The following BCKDHB variants were observed in gnomAD, a reference collection of about 807,000 sequenced individuals.
BCKDHB encodes the protein branched chain keto acid dehydrogenase E1 subunit beta, also known as 2-oxoisovalerate dehydrogenase subunit beta, mitochondrial.
In BCKDHB, 41 loss-of-function variants were observed where a neutral mutation model predicts 48.5. The ratio of observed to expected loss-of-function variants is 0.85; its 90% confidence interval spans 0.66 to 1.10. The LOEUF (loss-of-function observed/expected upper bound fraction) is 1.10. BCKDHB is among the 50% of genes least tolerant of loss of function. BCKDHB has a pLI of 0.00. For missense variants in BCKDHB, 496 were observed against 494.2 expected, an observed-to-expected ratio of 1.00 and a Z score of -0.03; for synonymous variants, 201 against 174.8, an observed-to-expected ratio of 1.15 and a Z score of -1.18.
chr6:80,133,224 C>T lies in BCKDHB; in HGVS notation c.343+3995C>T, dbSNP rs567152391. Among the ~76,000 whole-genome samples the T allele has an allele frequency of 1.1e-4, 17 of 152,150 alleles. No individual in the cohort carries two copies. In the East Asian group the frequency reaches 1.4e-3, roughly 12 times the overall value. ...AAGCATTTTATATTCCATCAGAAGG[C>T]GGAATTTGAAGGATTGTGGGTTACT... On this transcript the variant is annotated intron_variant, in intron 3 of 9. Transcript: ENST00000320393.
the BCKDHB span, among the ~76,000 whole-genome samples, chr6:80,361,837 C>T: frequency 2.6e-5 from 4 of 152,122 alleles, no homozygotes; most frequent in Admixed American, 1.3e-4. Flanking sequence ...ACAGAGGACA[C>T]ATTTTGTGGC....
the BCKDHB span, among the ~76,000 whole-genome samples, chr6:80,391,083 G>A: frequency 2.6e-5 from 4 of 152,040 alleles, no homozygotes; most frequent in Non-Finnish European, 5.9e-5. Context: ...GCTCAAGTTT[G>A]CCAACAGCCA....
chr6:80,142,622 T>C (rs1463505111), intron 3 of BCKDHB, among the ~76,000 whole-genome samples: 4 of 152,126 alleles, frequency 2.6e-5, no homozygotes, highest in Admixed American at 2.6e-4. Context: ...ACTCTGACTC[T>C]CTCTATTCAT....
intron 9 of BCKDHB, among the ~76,000 whole-genome samples, chr6:80,274,879 T>C (rs1037070952): frequency 6.6e-6 from 1 of 151,910 alleles, no homozygotes. Context: ...AATGGAAAAA[T>C]GTCTCTCAGG....
chr6:80,114,655 C>T (rs775165456), intron 1 of BCKDHB, among the ~76,000 whole-genome samples: 3 of 152,136 alleles, frequency 2.0e-5, no homozygotes, highest in Non-Finnish European at 2.9e-5. Flanking sequence ...GTTTGTGGCA[C>T]GGGAACCTGG....
chr6:80,172,026 A>G lies in BCKDHB; in HGVS notation c.742+636A>G, dbSNP rs573436583. ...CTTCCTCACTCTTCACAATGGATCCATTCTCCCTATGCCAAAAACAGCCAC... is the reference window on the plus strand; with the variant it reads ...CTTCCTCACTCTTCACAATGGATCCGTTCTCCCTATGCCAAAAACAGCCAC... On this transcript the variant is annotated intron_variant, in intron 6 of 9. Coordinates refer to ENST00000320393, the MANE Select transcript of BCKDHB (RefSeq NM_183050.4). 1.1e-3 allele frequency among the ~76,000 whole-genome samples: 171 copies of G among 152,210 alleles called. 1 individual carries two copies. The highest frequency in any genetic ancestry group is 2.0e-3 in the Non-Finnish European group (133 of 67,964).
the BCKDHB span, among the ~76,000 whole-genome samples, chr6:80,369,728 G>A: frequency 6.6e-6 from 1 of 152,172 alleles, no homozygotes; most frequent in Non-Finnish European, 1.5e-5. Flanking sequence ...CCAAAGAAAT[G>A]CCAAAATAAC....
intron 8 of BCKDHB, among the ~76,000 whole-genome samples, chr6:80,207,198 A>T (rs185714449): frequency 6.6e-6 from 1 of 152,046 alleles, no homozygotes; most frequent in Admixed American, 6.6e-5. Flanking sequence ...TTTTCTGTGA[A>T]AGTTTAAGTT....
chr6:80,420,640 G>T, the BCKDHB span, among the ~76,000 whole-genome samples: 1 of 152,214 alleles, frequency 6.6e-6, no homozygotes, highest in Non-Finnish European at 1.5e-5. Flanking sequence ...ATGCCACATG[G>T]TGAAGTCTGT....
At chr6:80,288,959 C>T (rs1214411843) in intron 9 of BCKDHB, among the ~76,000 whole-genome samples, 1 of 151,946 alleles carries the variant, frequency 6.6e-6, no homozygotes, top group East Asian at 1.9e-4. Flanking sequence ...GTTAAGTGAG[C>T]ATTTTGTTTA....
At chr6:80,401,111 A>T in the BCKDHB span, among the ~76,000 whole-genome samples, 1 of 151,742 alleles carries the variant, frequency 6.6e-6, no homozygotes, top group Non-Finnish European at 1.5e-5. Flanking sequence ...TAGTCAATGG[A>T]TACTAGAATT....
chr6:80,208,967 A>G (rs1000420916), intron 8 of BCKDHB, among the ~76,000 whole-genome samples: 4 of 151,926 alleles, frequency 2.6e-5, no homozygotes, highest in Non-Finnish European at 5.9e-5. Flanking sequence ...GGAAAATTAT[A>G]GACAGCTTTT....
chr6:80,408,551 A>G, the BCKDHB span, among the ~76,000 whole-genome samples: 3 of 151,946 alleles, frequency 2.0e-5, no homozygotes, highest in East Asian at 5.8e-4. Context: ...ATTGGTCTAT[A>G]CAGAGATTCA....
At chr6:80,250,250 C>T (rs1308243142) in intron 8 of BCKDHB, among the ~76,000 whole-genome samples, 1 of 128,846 alleles carries the variant, frequency 7.8e-6, no homozygotes, top group Non-Finnish European at 1.6e-5. Flanking sequence ...TATCACTTCT[C>T]ACAGATGAAT....
intron 1 of BCKDHB, among the ~76,000 whole-genome samples, chr6:80,116,349 A>AT (rs1769703693): frequency 6.6e-6 from 1 of 151,832 alleles, no homozygotes; most frequent in African/African-American, 2.4e-5. Flanking sequence ...GTTGGTTAAT[A>AT]TTTTTCTTTT....
intron 6 of BCKDHB, among the ~76,000 whole-genome samples, chr6:80,175,520 C>T (rs1773108993): frequency 6.6e-6 from 1 of 152,152 alleles, no homozygotes; most frequent in Admixed American, 6.5e-5. Context: ...TACCCTTTGA[C>T]TCATAGTCCA....
At chr6:80,237,237 A>T (rs1229793112) in intron 8 of BCKDHB, among the ~76,000 whole-genome samples, 1 of 152,222 alleles carries the variant, frequency 6.6e-6, no homozygotes, top group Admixed American at 6.5e-5. Context: ...GCCTTAGGAA[A>T]TAATGAGCAT....
the BCKDHB span, among the ~76,000 whole-genome samples, chr6:80,371,824 T>C: frequency 6.6e-6 from 1 of 152,176 alleles, no homozygotes; most frequent in Admixed American, 6.6e-5. Flanking sequence ...TTCTTTATTC[T>C]GTTCCATTGG....
chr6:80,384,626 G>A, the BCKDHB span, among the ~76,000 whole-genome samples: 3,355 of 152,114 alleles, frequency 0.022, 73 homozygotes, highest in South Asian at 0.072. Flanking sequence ...CAAAGTGCTG[G>A]GATTACAGGT....
Sources: allele counts gnomAD v4.1 joint callset (sites outside exome capture counted in the v4.1 genomes callset), GRCh38; gene constraint gnomAD v4.1.1; transcripts MANE v1.5; gene names NCBI Gene and HGNC (gene_info 2026-07-23, HGNC 2026-07-21).